Variants in EPM2A observed in about 807,000 individuals in gnomAD.
The protein encoded by EPM2A is EPM2A glucan phosphatase, laforin.
Under a neutral mutation model 26.5 loss-of-function variants are expected in EPM2A, and 21 were observed. The observed-to-expected ratio is 0.79, with a 90% CI of 0.56 to 1.14. The LOEUF is 1.14. Ranked by LOEUF, EPM2A falls within the 50% of genes most tolerant of loss-of-function variation. The pLI, the probability that EPM2A is intolerant of heterozygous loss-of-function variation, is 0.00. For synonymous variants in EPM2A, 217 were observed against 177.6 expected, an observed-to-expected ratio of 1.22 and a Z score of -1.76; for missense variants, 458 against 440.8, an observed-to-expected ratio of 1.04 and a Z score of -0.35.
intron 1 of EPM2A, among the ~76,000 whole-genome samples, chr6:145,710,399 T>C (rs1227646471): frequency 6.6e-6 from 1 of 152,054 alleles, no homozygotes; most frequent in African/African-American, 2.4e-5. Flanking sequence ...ATCAGAGAAA[T>C]GCAAATCAAA....
chr6:145,410,388 C>T (rs1276555207), intron 4 of EPM2A, among the ~76,000 whole-genome samples: 1 of 152,064 alleles, frequency 6.6e-6, no homozygotes, highest in African/African-American at 2.4e-5. Context: ...GGTTTGAGGG[C>T]AAATTGGAGC....
At chr6:145,728,834 A>G (rs1285808864) in intron 1 of EPM2A, among the ~76,000 whole-genome samples, 2 of 152,210 alleles carry the variant, frequency 1.3e-5, no homozygotes, top group Non-Finnish European at 2.9e-5. Flanking sequence ...AATGTAGAAA[A>G]GGCCTGGAAG....
chr6:145,435,404 A>G (rs1185086352), intron 4 of EPM2A, among the ~76,000 whole-genome samples: 1 of 133,622 alleles, frequency 7.5e-6, no homozygotes, highest in Non-Finnish European at 1.6e-5. Context: ...AAAAGAGTGA[A>G]GAATTTATAT....
At chr6:145,656,590 G>A (rs746480741) in intron 2 of EPM2A, among the ~76,000 whole-genome samples, 11 of 152,214 alleles carry the variant, frequency 7.2e-5, no homozygotes, top group Non-Finnish European at 1.5e-4. Context: ...CATTACCAGG[G>A]AAGGATTCAC....
chr6:145,735,095 G>A, intron 1 of EPM2A, 103 bp downstream of exon 1: 1 of 768,598 alleles, frequency 1.3e-6, no homozygotes, highest in South Asian at 2.9e-5. Context: ...CCCGGGACGC[G>A]CGCCGCCGGG....
intron 1 of EPM2A, among the ~76,000 whole-genome samples, chr6:145,714,138 G>A (rs1218952817): frequency 6.6e-6 from 1 of 152,138 alleles, no homozygotes; most frequent in African/African-American, 2.4e-5. Flanking sequence ...TGGCAAAAAT[G>A]TCATAAGTGT....
intron 2 of EPM2A, among the ~76,000 whole-genome samples, chr6:145,649,121 C>T (rs929447270): frequency 6.6e-6 from 1 of 152,176 alleles, no homozygotes; most frequent in Non-Finnish European, 1.5e-5. Context: ...ACTGAGAGAA[C>T]TGGATTCAAT....
intron 4 of EPM2A, among the ~76,000 whole-genome samples, chr6:145,473,667 G>T (rs759653175): frequency 1.3e-5 from 2 of 152,042 alleles, no homozygotes; most frequent in Non-Finnish European, 2.9e-5. Flanking sequence ...AGCAAAAAGA[G>T]AAAAGAAACA....
intron 3 of EPM2A, among the ~76,000 whole-genome samples, chr6:145,633,277 T>C (rs1776403490): frequency 6.6e-6 from 1 of 152,206 alleles, no homozygotes; most frequent in Non-Finnish European, 1.5e-5. Flanking sequence ...TCAGAGATGC[T>C]AACATCAAAA....
chr6:145,586,811 CA>C (rs199757113), intron 2 of EPM2A, among the ~76,000 whole-genome samples: 1 of 151,920 alleles, frequency 6.6e-6, no homozygotes, highest in African/African-American at 2.4e-5. Flanking sequence ...GTCTTCAACC[CA>C]AAAAAATGCA....
exon 5 of EPM2A, chr6:145,383,709 CAT>C (rs1315937366): frequency 6.6e-6 from 1 of 152,180 alleles, no homozygotes; most frequent in African/African-American, 2.4e-5. Flanking sequence ...CAGACAATAT[CAT>C]ATGTCTTGTG....
chr6:145,653,057 A>G (rs1308061989), intron 2 of EPM2A, among the ~76,000 whole-genome samples: 1 of 152,252 alleles, frequency 6.6e-6, no homozygotes, highest in African/African-American at 2.4e-5. Flanking sequence ...AAAGTAAGAC[A>G]AGAGATGTAC....
intron 4 of EPM2A, among the ~76,000 whole-genome samples, chr6:145,484,320 GT>G (rs548073865): frequency 2.0e-5 from 3 of 149,876 alleles, no homozygotes; most frequent in East Asian, 2.0e-4. Context: ...ATGATTTTCT[GT>G]TTTTTTTTCT....
At chr6:145,675,352 C>T (rs991419154) in intron 2 of EPM2A, among the ~76,000 whole-genome samples, 2 of 152,152 alleles carry the variant, frequency 1.3e-5, no homozygotes, top group African/African-American at 4.8e-5. Context: ...TAAAGACCAT[C>T]GATGCTATGA....
intron 2 of EPM2A, among the ~76,000 whole-genome samples, chr6:145,502,814 A>G (rs1779911109): frequency 6.6e-6 from 1 of 152,242 alleles, no homozygotes; most frequent in African/African-American, 2.4e-5. Context: ...GTACAAATCA[A>G]TAAGAAAATT....
chr6:145,620,698 T>A (rs999648927), downstream of EPM2A, among the ~76,000 whole-genome samples: 3 of 152,234 alleles, frequency 2.0e-5, no homozygotes, highest in Non-Finnish European at 4.4e-5. Context: ...AGCTCTCCAT[T>A]CTTTCACTGT....
At chr6:145,644,416 GC>G (rs1427104767) in intron 2 of EPM2A, among the ~76,000 whole-genome samples, 1 of 152,038 alleles carries the variant, frequency 6.6e-6, no homozygotes, top group Non-Finnish European at 1.5e-5. Context: ...CCTGATAGAA[GC>G]CTAAAATTGT....
At chr6:145,499,493 A>G (rs1396662239), downstream of EPM2A, among the ~76,000 whole-genome samples, 1 of 152,224 alleles carries the variant, frequency 6.6e-6, no homozygotes, top group Non-Finnish European at 1.5e-5. Flanking sequence ...TTTGCAATTA[A>G]TTAATTAATG....
At position 145,627,524 on chromosome 6, in the gene EPM2A, G is replaced by C. The variant is rs555736319; in HGVS notation, c.888C>G (p.Leu296=). 4 of 1,614,260 alleles carry C rather than the reference G, an allele frequency of 2.5e-6. No individual in the cohort carries two copies. The South Asian group carries it at 4.4e-5, about 18-fold the overall frequency. ...GWNLRKVQYF[L]MAKRPAVYID... is the part of the protein sequence containing the mutation. ...TGTAGACAGCCGGCCTCTTGGCCATGAGGAAATACTGCACCTTCCTCAGAT... is the reference window on the plus strand; with the variant it reads ...TGTAGACAGCCGGCCTCTTGGCCATCAGGAAATACTGCACCTTCCTCAGAT... The change falls in exon 4 of 4, where the codon CTC becomes CTG. Residue 296 remains leucine, a synonymous_variant. Transcript: ENST00000367519.
Sources: gnomAD v4.1 joint callset for allele counts (sites outside exome capture counted in the v4.1 genomes callset) on GRCh38, gnomAD v4.1.1 for gene constraint, MANE v1.5 for transcripts, NCBI Gene and HGNC (gene_info 2026-07-23, HGNC 2026-07-21) for gene names.